NDUFS6: variants seen among roughly 807,000 people sequenced by gnomAD.
NDUFS6 encodes NADH dehydrogenase [ubiquinone] iron-sulfur protein 6, mitochondrial.
Under a neutral mutation model 13.2 loss-of-function variants are expected in NDUFS6, and 14 were observed. The observed-to-expected ratio is 1.06, with a 90% CI of 0.70 to 1.66. The LOEUF (loss-of-function observed/expected upper bound fraction) is 1.66, where lower values mean the gene tolerates loss of function less well. Among genes scored for constraint, NDUFS6 ranks in the 40% most tolerant of loss-of-function variants. The pLI is 0.00. For missense variants in NDUFS6, 206 were observed against 170.8 expected (o/e 1.21, Z -1.15); for synonymous variants, 95 against 72.3 (o/e 1.31, Z -1.60).
At chr5:1,806,199 C>T (rs1308007115) in intron 2 of NDUFS6, among the ~76,000 whole-genome samples, 4 of 152,222 alleles carry the variant, frequency 2.6e-5, no homozygotes, top group Admixed American at 6.5e-5. Flanking sequence ...CCCTTGAGTG[C>T]GACTCTGTGC....
At position 1,814,405 on chromosome 5, in the gene NDUFS6, A is replaced by C. The variant is rs1734270228; in HGVS notation, c.253A>C (p.Ile85Leu). The change falls in exon 3 of 4, where the codon ATA (isoleucine) becomes CTA (leucine). Residue 85 changes from isoleucine to leucine, a missense_variant. Coordinates refer to ENST00000274137, the MANE Select transcript of NDUFS6 (RefSeq NM_004553.6). This position sits in a 1 kb window ranked among gnomAD's most constrained non-coding sequence, Gnocchi z 4.9. Reference sequence around the variant, plus strand: ...CGTGAGCGAGGTGGAGACTCGGGTGATAGCGTGCGATGGCGGCGGGGGAGC... The same window carrying C: ...CGTGAGCGAGGTGGAGACTCGGGTGCTAGCGTGCGATGGCGGCGGGGGAGC... ...QPVSEVETRVIACDGGGGALG... is the reference protein window; with the variant it reads ...QPVSEVETRVLACDGGGGALG... 3 of 1,613,976 alleles carry C rather than the reference A, an allele frequency of 1.9e-6. No individual in the cohort carries two copies. The highest frequency in any genetic ancestry group is 2.5e-6 in the Non-Finnish European group (3 of 1,180,014).
At position 1,802,313 on chromosome 5, in the gene NDUFS6, T is replaced by G. The variant is rs1412728697; in HGVS notation, c.133-8T>G. 6.2e-7 allele frequency: 1 copy of G among 1,613,834 alleles called. No homozygotes were observed. Among genetic ancestry groups the G allele is most frequent in the Admixed American group, 1.7e-5 (1 of 60,004 alleles). On this transcript the variant is annotated splice_polypyrimidine_tract_variant and splice_region_variant and intron_variant, in intron 1 of 3. Transcript: ENST00000274137. ...AAAGTCACACATGGTCTTTTTGTTT[T>G]TTTCCAGGTTTATGATGATAAAGAC...
At chr5:1,815,276 G>A (rs1484619820) in intron 3 of NDUFS6, among the ~76,000 whole-genome samples, 1 of 152,076 alleles carries the variant, frequency 6.6e-6, no homozygotes, top group African/African-American at 2.4e-5. Flanking sequence ...GACCTGGGGT[G>A]CAGGGAGAGG....
Position 1,801,453 on chromosome 5 carries a change from C to A in NDUFS6, c.36C>A (p.Asn12Lys). Residue 12 changes from asparagine to lysine, a missense_variant, in exon 1 of 4, where the codon AAC becomes AAA. Asn to Lys is a moderately conservative substitution (Grantham distance 94, BLOSUM62 0). Coordinates refer to ENST00000274137, the MANE Select transcript of NDUFS6 (RefSeq NM_004553.6). Reference sequence around the variant, plus strand: ...CGATGACCTTCTGCCGGCTGCTGAACCGGTGTGGCGAGGCGGCGCGGAGCC... The same window carrying A: ...CGATGACCTTCTGCCGGCTGCTGAAACGGTGTGGCGAGGCGGCGCGGAGCC... Reference protein sequence around the residue: ...AAAMTFCRLLNRCGEAARSLP... With the variant: ...AAAMTFCRLLKRCGEAARSLP... 1.2e-6 allele frequency: 2 copies of A among 1,605,042 alleles called. No individual in the cohort carries two copies. The highest frequency in any genetic ancestry group is 1.1e-5 in the South Asian group (1 of 90,858).
chr5:1,810,785 T>A (rs550955140), intron 2 of NDUFS6, among the ~76,000 whole-genome samples: 1 of 151,910 alleles, frequency 6.6e-6, no homozygotes, highest in Non-Finnish European at 1.5e-5. Context: ...GTGGCCAGTC[T>A]GGCTCAGCTC....
Position 1,813,888 on chromosome 5 carries a change from A to G in NDUFS6, c.187-451A>G, listed in dbSNP as rs79108493. 9.8e-3 allele frequency among the ~76,000 whole-genome samples: 1,495 copies of G among 152,360 alleles called. 64 individuals carry two copies. The highest frequency in any genetic ancestry group is 0.075 in the Admixed American group (1,149 of 15,302). Reference sequence around the variant, plus strand: ...CATTTTTGGCATTTTAGATAAATCTATTCCATCGGTATCATGTTTACTGAG... The same window carrying G: ...CATTTTTGGCATTTTAGATAAATCTGTTCCATCGGTATCATGTTTACTGAG... On this transcript the variant is annotated intron_variant, in intron 2 of 3. Transcript: ENST00000274137.
rs777654933 is a variant in NDUFS6 at position 1,801,483 on chromosome 5, C to T, written c.66C>T (p.Pro22=). 13 of 1,603,324 alleles carry T rather than the reference C, an allele frequency of 8.1e-6. No individual in the cohort carries two copies. In the South Asian group the frequency reaches 1.4e-4, roughly 18 times the overall value. Residue 22 remains proline, a synonymous_variant, in exon 1 of 4, where the codon CCC becomes CCT. Transcript: ENST00000274137. ...NRCGEAARSL[P]LGARCFGVRV... ...GTGGCGAGGCGGCGCGGAGCCTGCC[C>T]CTGGGCGCCAGGTGTTTCGGGGTGC... is the stretch of plus-strand genomic sequence containing the variant.
rs1184291797 is a variant in NDUFS6 at position 1,808,513 on chromosome 5, G to C, written c.187-5826G>C. ...AAAATAGTTGGAACTGTGAATTCAC[G>C]AGCCCCAGGTTCACATGCTGGTGGC... On this transcript the variant is annotated intron_variant, in intron 2 of 3. Coordinates refer to ENST00000274137, the MANE Select transcript of NDUFS6 (RefSeq NM_004553.6). Among the ~76,000 whole-genome samples the C allele has an allele frequency of 2.6e-5, 4 of 152,324 alleles. No individual in the cohort carries two copies. The Middle Eastern group carries it at 0.01, about 389-fold the overall frequency.
chr5:1,802,757 A>C (rs1011587980), intron 2 of NDUFS6, among the ~76,000 whole-genome samples: 14 of 152,164 alleles, frequency 9.2e-5, no homozygotes, highest in African/African-American at 3.4e-4. Flanking sequence ...TGTTTTTTAC[A>C]GGGACTTACA....
At chr5:1,811,798 C>T (rs1011146850) in intron 2 of NDUFS6, among the ~76,000 whole-genome samples, 7 of 152,140 alleles carry the variant, frequency 4.6e-5, no homozygotes, top group Admixed American at 1.3e-4. Flanking sequence ...GTGATGTATC[C>T]GTCCATCAGG....
chr5:1,809,394 T>C (rs1734182981), intron 2 of NDUFS6, among the ~76,000 whole-genome samples: 1 of 152,122 alleles, frequency 6.6e-6, no homozygotes, highest in Admixed American at 6.6e-5. Flanking sequence ...GGCTTTGTGT[T>C]GTGGCTGGGT....
intron 2 of NDUFS6, among the ~76,000 whole-genome samples, chr5:1,804,611 T>G (rs530948966): frequency 6.6e-6 from 1 of 152,384 alleles, no homozygotes; most frequent in East Asian, 1.9e-4. Context: ...CTGCCCAAGC[T>G]TTCCTTCTTT....
At chr5:1,811,691 C>T (rs1443861215) in intron 2 of NDUFS6, among the ~76,000 whole-genome samples, 2 of 152,200 alleles carry the variant, frequency 1.3e-5, no homozygotes, top group Non-Finnish European at 2.9e-5. Context: ...TGTTGTTGAA[C>T]ATGTCTCTTG....
At chr5:1,805,846 G>T (rs1377953052) in intron 2 of NDUFS6, among the ~76,000 whole-genome samples, 1 of 152,178 alleles carries the variant, frequency 6.6e-6, no homozygotes, top group Non-Finnish European at 1.5e-5. Context: ...TGCTTTTTTG[G>T]TTAGTAGCTG....
intron 2 of NDUFS6, among the ~76,000 whole-genome samples, chr5:1,804,397 G>A (rs565553720): frequency 5.1e-4 from 77 of 152,386 alleles, no homozygotes; most frequent in African/African-American, 1.8e-3. Context: ...GATTGGCGAA[G>A]CCAGTGAGGG....
intron 2 of NDUFS6, among the ~76,000 whole-genome samples, chr5:1,811,126 T>C (rs1201360557): frequency 2.0e-5 from 3 of 152,258 alleles, no homozygotes; most frequent in Non-Finnish European, 2.9e-5. Flanking sequence ...GCTTACTTTA[T>C]TATAAGAATC....
rs546458460 is a variant in NDUFS6 at position 1,813,126 on chromosome 5, A to G, written c.187-1213A>G. Among the ~76,000 whole-genome samples, 142 of 152,308 alleles carry G rather than the reference A, an allele frequency of 9.3e-4. 1 individual carries two copies. The highest frequency in any genetic ancestry group is 2.8e-3 in the African/African-American group (117 of 41,566). On this transcript the variant is annotated intron_variant, in intron 2 of 3. Coordinates refer to ENST00000274137, the MANE Select transcript of NDUFS6 (RefSeq NM_004553.6). The stretch of plus-strand genomic sequence containing the variant: ...ACACTGATCCTTCCAAACTTAGTTC[A>G]GGGTTACAAGACTTCTGCTGAACCA...
intron 2 of NDUFS6, among the ~76,000 whole-genome samples, chr5:1,807,279 GGC>G (rs1328425997): frequency 6.6e-6 from 1 of 151,976 alleles, no homozygotes; most frequent in Non-Finnish European, 1.5e-5. Context: ...GGTTGCCGGG[GGC>G]GGGGGGTGAA....
At chr5:1,812,937 C>T (rs1734242500) in intron 2 of NDUFS6, among the ~76,000 whole-genome samples, 1 of 152,128 alleles carries the variant, frequency 6.6e-6, no homozygotes, top group African/African-American at 2.4e-5. Context: ...CCTGTAATCC[C>T]AGCTACTCGG....
Sources: allele counts gnomAD v4.1 joint callset (sites outside exome capture counted in the v4.1 genomes callset), GRCh38; gene constraint gnomAD v4.1.1; non-coding constraint Gnocchi (gnomAD v3.1); transcripts MANE v1.5; gene names NCBI Gene and HGNC (gene_info 2026-07-23, HGNC 2026-07-21).